SI: variants seen among roughly 807,000 people sequenced by gnomAD.
SI encodes sucrase-isomaltase.
A neutral mutation model predicts 253.3 loss-of-function variants in SI; 235 were observed. That is an observed-to-expected ratio of 0.93 (90% CI 0.83 to 1.03). The LOEUF (loss-of-function observed/expected upper bound fraction) is 1.03. Ranked by LOEUF, SI falls within the 50% of genes least tolerant of loss-of-function variation. SI has a pLI of 0.00. For synonymous variants in SI, 819 were observed against 712.0 expected (o/e 1.15, Z -2.39); for missense variants, 2,442 against 2,211.1 (o/e 1.10, Z -2.09).
rs182369827 is a variant in SI, at chr3:165,034,291, T to C, written c.2516-847A>G. Reference sequence around the variant, plus strand: ...ATATTAGATAACTGATTGAATTATATTATTCATATTCTTAACTACTTACTT... The same window carrying C: ...ATATTAGATAACTGATTGAATTATACTATTCATATTCTTAACTACTTACTT... On this transcript the variant is annotated intron_variant, in intron 22 of 47. Coordinates refer to ENST00000264382, the MANE Select transcript of SI (RefSeq NM_001041.4). Among the ~76,000 whole-genome samples the C allele has an allele frequency of 2.6e-5, 4 of 152,106 alleles. No homozygotes were observed. In the East Asian group the frequency reaches 5.8e-4, roughly 22 times the overall value.
intron 2 of SI, among the ~76,000 whole-genome samples, chr3:165,074,889 C>A (rs544288709): frequency 6.6e-6 from 1 of 152,088 alleles, no homozygotes; most frequent in South Asian, 2.1e-4. Flanking sequence ...ATCCTATTGA[C>A]TGTTTCTGAA....
At chr3:165,067,045 G>C (rs1044414708) in intron 6 of SI, among the ~76,000 whole-genome samples, 4 of 151,758 alleles carry the variant, frequency 2.6e-5, no homozygotes, top group Non-Finnish European at 5.9e-5. Flanking sequence ...AAATATAAGG[G>C]GGAAAGACAC....
chr3:165,068,043 T>C (rs1003595259), intron 5 of SI, among the ~76,000 whole-genome samples: 7 of 152,076 alleles, frequency 4.6e-5, no homozygotes, highest in Admixed American at 2.0e-4. Context: ...AAAATATTTA[T>C]ACTAGTAAAC....
chr3:164,999,187 C>A (rs991358797), intron 37 of SI, among the ~76,000 whole-genome samples: 6 of 151,682 alleles, frequency 4.0e-5, no homozygotes, highest in African/African-American at 1.5e-4. Flanking sequence ...AGAATTGCTC[C>A]ATTTCAAGTG....
intron 10 of SI, among the ~76,000 whole-genome samples, chr3:165,059,530 A>G (rs1021244600): frequency 6.6e-6 from 1 of 152,034 alleles, no homozygotes; most frequent in African/African-American, 2.4e-5. Flanking sequence ...GATAATGACT[A>G]GAATGCATTG....
intron 12 of SI, among the ~76,000 whole-genome samples, chr3:165,058,331 A>G (rs915329303): frequency 1.3e-5 from 2 of 151,972 alleles, no homozygotes; most frequent in East Asian, 3.9e-4. Flanking sequence ...CCTACATCAA[A>G]AAAGTTGAAA....
chr3:164,980,258 A>G (rs1216982156), intron 47 of SI, among the ~76,000 whole-genome samples: 2 of 152,002 alleles, frequency 1.3e-5, no homozygotes, highest in Non-Finnish European at 2.9e-5. Flanking sequence ...TTTAAAAAGT[A>G]ATAGTTAAAT....
Position 165,049,819 on chromosome 3 carries a change from G to A in SI, c.1569C>T (p.Asn523=), listed in dbSNP as rs758514318. Residue 523 remains asparagine (N), a synonymous_variant, in exon 14 of 48, where the codon AAC becomes AAT. Coordinates refer to ENST00000264382, the MANE Select transcript of SI (RefSeq NM_001041.4). ...GAGTAAACGGTGGATAATTCAATTT[G>A]TTTACATTACATCCTTTTGTTGAAC... The part of the protein sequence containing the change: ...IQGSTKGCNV[N]KLNYPPFTPD... 59 of 1,605,060 alleles carry A rather than the reference G, an allele frequency of 3.7e-5. No individual in the cohort carries two copies. The highest frequency in any genetic ancestry group is 4.7e-5 in the Non-Finnish European group (55 of 1,172,836).
intron 34 of SI, among the ~76,000 whole-genome samples, chr3:165,010,181 T>TA (rs1180089860): frequency 1.3e-5 from 2 of 152,008 alleles, no homozygotes; most frequent in African/African-American, 2.4e-5. Context: ...TTTTTTAAGA[T>TA]AGAGTTTTGC....
At position 165,065,464 on chromosome 3, in the gene SI, AATATATATATAT is replaced by A. The variant is rs66946322; in HGVS notation, c.636-44_636-33del. 33 of 209,714 alleles carry A rather than the reference AATATATATATAT, an allele frequency of 1.6e-4. 1 individual carries two copies. Among genetic ancestry groups the A allele is most frequent in the East Asian group, 4.3e-4 (2 of 4,676 alleles). 13.0% of individuals were successfully genotyped at this position (209,714 alleles called of 1,614,324 possible). A position where few individuals can be genotyped will look rare whatever the true frequency, so the allele number is the denominator to read the frequency against. Reference sequence around the variant, plus strand: ...CATAAAAGAAATAAAGAAATAATCTAATATATATATATATATATATATATATATATGATATTC... The same window carrying A: ...CATAAAAGAAATAAAGAAATAATCTAATATATATATATATATATGATATTC... On this transcript the variant is annotated intron_variant, in intron 6 of 47. Transcript: ENST00000264382.
At chr3:165,073,870 C>T (rs1020669980) in intron 3 of SI, among the ~76,000 whole-genome samples, 2 of 151,938 alleles carry the variant, frequency 1.3e-5, no homozygotes, top group Non-Finnish European at 2.9e-5. Context: ...GCAAATACTG[C>T]CATTTTATTT....
chr3:164,981,788 G>A (rs1283424920), intron 47 of SI, among the ~76,000 whole-genome samples: 1 of 152,098 alleles, frequency 6.6e-6, no homozygotes, highest in Non-Finnish European at 1.5e-5. Context: ...CAGCAATGAT[G>A]CTTTAACGCA....
intron 1 of SI, among the ~76,000 whole-genome samples, chr3:165,077,036 T>C (rs1368658861): frequency 6.6e-6 from 1 of 150,538 alleles, no homozygotes; most frequent in South Asian, 2.1e-4. Context: ...TGTCAACTCA[T>C]GTACCCAGTT....
At chr3:165,077,194 A>G (rs555761299) in intron 1 of SI, among the ~76,000 whole-genome samples, 35 of 151,670 alleles carry the variant, frequency 2.3e-4, no homozygotes, top group African/African-American at 7.0e-4. Flanking sequence ...TTTAGATAAC[A>G]TATTGCCTTC....
chr3:165,001,138 A>G (rs1718239255), intron 37 of SI, among the ~76,000 whole-genome samples: 2 of 151,334 alleles, frequency 1.3e-5, no homozygotes, highest in Admixed American at 6.6e-5. Context: ...AATTAATGTG[A>G]CTATTATCTT....
chr3:164,979,334 C>A lies in SI; in HGVS notation c.*28G>T, dbSNP rs766565274. ...AAACTTAAATCCTGGTGTTTTTTCC[C>A]ATTGACAACTAAAATTGATGGTGAT... On this transcript the variant is annotated 3_prime_UTR_variant, in exon 48 of 48. Coordinates refer to ENST00000264382, the MANE Select transcript of SI (RefSeq NM_001041.4). 1 of 1,387,978 alleles carries A rather than the reference C, an allele frequency of 7.2e-7. No individual in the cohort carries two copies. The highest frequency in any genetic ancestry group is 1.0e-6 in the Non-Finnish European group (1 of 976,710). The allele number at this position is 1,387,978 out of a possible 1,614,324, so 86.0% of individuals were successfully genotyped here.
chr3:165,006,298 T>C (rs923240033), intron 37 of SI, among the ~76,000 whole-genome samples: 1 of 151,914 alleles, frequency 6.6e-6, no homozygotes, highest in Non-Finnish European at 1.5e-5. Context: ...TTAGTAGAGA[T>C]GAGGTTTCAC....
chr3:165,006,946 T>C lies in SI; in HGVS notation c.4276A>G (p.Lys1426Glu). 6.2e-7 allele frequency: 1 copy of C among 1,608,478 alleles called. No homozygotes were observed. Among genetic ancestry groups the C allele is most frequent in the South Asian group, 1.1e-5 (1 of 90,796 alleles). ...NYPPYFPELT[K>E]RTDGLHFRTI... The stretch of plus-strand genomic sequence containing the variant: ...CTGAAATGTAATCCATCAGTTCTTT[T>C]TGTGAGTTCTGGAAAGAATCAATGA... The change falls in exon 37 of 48, where the codon AAA (lysine) becomes GAA (glutamate). Residue 1426 changes from lysine (K) to glutamate (E), a missense_variant. By Grantham distance (56) the Lys-to-Glu change is moderately conservative. Coordinates refer to ENST00000264382, the MANE Select transcript of SI (RefSeq NM_001041.4).
intron 22 of SI, among the ~76,000 whole-genome samples, chr3:165,035,947 A>C (rs1347596065): frequency 6.6e-6 from 1 of 151,784 alleles, no homozygotes; most frequent in Non-Finnish European, 1.5e-5. Context: ...AATTGTAAAC[A>C]ATTGATACGA....
Sources: gnomAD v4.1 joint callset for allele counts (sites outside exome capture counted in the v4.1 genomes callset) on GRCh38, gnomAD v4.1.1 for gene constraint, MANE v1.5 for transcripts, NCBI Gene and HGNC (gene_info 2026-07-23, HGNC 2026-07-21) for gene names.